Variants in MINDY3 observed in about 807,000 individuals in gnomAD.
MINDY3 encodes ubiquitin carboxyl-terminal hydrolase MINDY-3.
Under a neutral mutation model 69.2 loss-of-function variants are expected in MINDY3, and 38 were observed. The ratio of observed to expected loss-of-function variants is 0.55; its 90% confidence interval spans 0.42 to 0.72. The LOEUF (loss-of-function observed/expected upper bound fraction) is 0.72, where lower values mean the gene tolerates loss of function less well. MINDY3 is among the 30% of genes least tolerant of loss of function. MINDY3 has a pLI of 0.00. For synonymous variants in MINDY3, 192 were observed against 180.1 expected, an observed-to-expected ratio of 1.07 and a Z score of -0.53; for missense variants, 522 against 519.0, an observed-to-expected ratio of 1.01 and a Z score of -0.06.
intron 10 of MINDY3, among the ~76,000 whole-genome samples, chr10:15,803,309 AT>A (rs1838396600): frequency 6.6e-6 from 1 of 152,186 alleles, no homozygotes. Context: ...GGTTCCTAGT[AT>A]AAAGATCTGT....
intron 8 of MINDY3, among the ~76,000 whole-genome samples, chr10:15,828,349 C>T (rs1478760218): frequency 6.6e-6 from 1 of 152,138 alleles, no homozygotes; most frequent in Non-Finnish European, 1.5e-5. Context: ...GAGTCTATTT[C>T]TATGAAACAT....
chr10:15,854,767 A>C (rs1425208548), intron 1 of MINDY3, among the ~76,000 whole-genome samples: 1 of 152,108 alleles, frequency 6.6e-6, no homozygotes, highest in Non-Finnish European at 1.5e-5. Context: ...CCAGCAATAC[A>C]CAGCAGCCTG....
chr10:15,839,760 A>G (rs1366887943), intron 4 of MINDY3, among the ~76,000 whole-genome samples: 2 of 151,638 alleles, frequency 1.3e-5, no homozygotes, highest in African/African-American at 4.8e-5. Context: ...TAAATTCTCA[A>G]ATTTTCAGTT....
chr10:15,797,568 A>C (rs998581279), intron 10 of MINDY3, among the ~76,000 whole-genome samples: 8 of 152,256 alleles, frequency 5.3e-5, no homozygotes, highest in Non-Finnish European at 1.0e-4. Flanking sequence ...AAAATGCTGA[A>C]TCAAATAAAC....
intron 10 of MINDY3, among the ~76,000 whole-genome samples, chr10:15,797,436 G>C (rs768933527): frequency 1.3e-5 from 2 of 152,100 alleles, no homozygotes; most frequent in African/African-American, 4.8e-5. Context: ...TTATTTTGCT[G>C]ATAATGTATA....
chr10:15,850,708 C>G (rs547191262), intron 1 of MINDY3, among the ~76,000 whole-genome samples: 2 of 152,128 alleles, frequency 1.3e-5, no homozygotes, highest in African/African-American at 2.4e-5. Context: ...GAAACTTCAT[C>G]AGCAATTCTA....
chr10:15,796,313 T>A, intron 10 of MINDY3, 141 bp from the exon 11 acceptor site: 1 of 667,982 alleles, frequency 1.5e-6, no homozygotes, highest in Non-Finnish European at 2.6e-6. Flanking sequence ...TGTAACGAGA[T>A]AGGTCATAAA....
chr10:15,783,600 G>A (rs1351006261), intron 13 of MINDY3, among the ~76,000 whole-genome samples: 2 of 152,010 alleles, frequency 1.3e-5, no homozygotes, highest in African/African-American at 2.4e-5. Context: ...CATAACAATT[G>A]TCTAAATAAT....
At chr10:15,831,426 C>T (rs1370834877) in intron 8 of MINDY3, among the ~76,000 whole-genome samples, 1 of 152,142 alleles carries the variant, frequency 6.6e-6, no homozygotes, top group Non-Finnish European at 1.5e-5. Flanking sequence ...AACAAACATT[C>T]CAAAATGCAA....
At chr10:15,831,768 C>T (rs1420407949) in intron 8 of MINDY3, among the ~76,000 whole-genome samples, 7 of 151,500 alleles carry the variant, frequency 4.6e-5, no homozygotes, top group Non-Finnish European at 5.9e-5. Flanking sequence ...CTCCGCCTCC[C>T]GGGTTCAAGC....
At chr10:15,797,101 A>T (rs1837897869) in intron 10 of MINDY3, among the ~76,000 whole-genome samples, 2 of 152,082 alleles carry the variant, frequency 1.3e-5, no homozygotes. Flanking sequence ...AATTTTTGCA[A>T]GAAATGTACT....
In MINDY3 at chr10:15,843,353, AAT is replaced by A. The variant is rs1209110582; in HGVS notation, c.175-83_175-82del. The A allele has an allele frequency of 7.1e-6, 8 of 1,119,886 alleles. No individual in the cohort carries two copies. The Admixed American group carries it at 1.4e-4, about 19-fold the overall frequency. 69.4% of individuals were successfully genotyped at this position (1,119,886 alleles called of 1,614,324 possible). On this transcript the variant is annotated intron_variant, in intron 2 of 14. Transcript: ENST00000277632. ...ATTCTTCAATTTTAAAGTGGGAAAAAATAATGTGTACTCCCTTTCTAATCTTT... is the reference window on the plus strand; with the variant it reads ...ATTCTTCAATTTTAAAGTGGGAAAAAAATGTGTACTCCCTTTCTAATCTTT...
intron 4 of MINDY3, 42 bp from the exon 5 acceptor site, chr10:15,838,321 A>C: frequency 6.5e-7 from 1 of 1,534,654 alleles, no homozygotes; most frequent in Non-Finnish European, 8.8e-7. Context: ...CATGGCAAAT[A>C]AATGACACAA....
intron 8 of MINDY3, among the ~76,000 whole-genome samples, chr10:15,824,872 A>C (rs528166093): frequency 2.6e-5 from 4 of 152,162 alleles, no homozygotes; most frequent in Non-Finnish European, 5.9e-5. Flanking sequence ...TTAGACATCT[A>C]GTCTGGATGG....
At chr10:15,839,782 T>A (rs1833335067) in intron 4 of MINDY3, among the ~76,000 whole-genome samples, 1 of 151,676 alleles carries the variant, frequency 6.6e-6, no homozygotes, top group African/African-American at 2.4e-5. Context: ...ACAAAGTATT[T>A]CAAATGTATA....
intron 4 of MINDY3, among the ~76,000 whole-genome samples, chr10:15,840,608 A>G (rs554873105): frequency 6.6e-6 from 1 of 151,680 alleles, no homozygotes; most frequent in African/African-American, 2.4e-5. Flanking sequence ...TTCCACAAAG[A>G]TGATAGTTAA....
chr10:15,805,976 A>G (rs888377522), intron 10 of MINDY3, among the ~76,000 whole-genome samples: 3 of 152,122 alleles, frequency 2.0e-5, no homozygotes, highest in Admixed American at 6.6e-5. Context: ...ACGTTAAAAC[A>G]TTCTCAAATT....
At chr10:15,784,856 G>A (rs1769539086) in intron 13 of MINDY3, among the ~76,000 whole-genome samples, 1 of 152,162 alleles carries the variant, frequency 6.6e-6, no homozygotes, top group Non-Finnish European at 1.5e-5. Flanking sequence ...CAGGGGAAAG[G>A]GGACATCAGT....
intron 1 of MINDY3, among the ~76,000 whole-genome samples, chr10:15,849,826 A>G (rs1297803261): frequency 6.6e-6 from 1 of 152,162 alleles, no homozygotes; most frequent in African/African-American, 2.4e-5. Context: ...GATTCCACCA[A>G]AAACTCCAAT....
Sources: gnomAD v4.1 joint callset for allele counts (sites outside exome capture counted in the v4.1 genomes callset) on GRCh38, gnomAD v4.1.1 for gene constraint, MANE v1.5 for transcripts, NCBI Gene and HGNC (gene_info 2026-07-23, HGNC 2026-07-21) for gene names.